Variants in TENT4A observed in about 807,000 individuals in gnomAD.
TENT4A encodes DNA polymerase kappa.
Under a neutral mutation model 72.8 loss-of-function variants are expected in TENT4A, and 7 were observed. The ratio of observed to expected loss-of-function variants is 0.10; its 90% CI spans 0.05 to 0.18. The LOEUF is 0.18. Ranked by LOEUF, TENT4A falls within the 10% of genes least tolerant of loss-of-function variation. TENT4A has a pLI of 1.00. For synonymous variants in TENT4A, 456 were observed against 434.3 expected, an observed-to-expected ratio of 1.05 and a Z score of -0.62; for missense variants, 831 against 1,017.7, an observed-to-expected ratio of 0.82 and a Z score of 2.50.
intron 7 of TENT4A, among the ~76,000 whole-genome samples, chr5:6,747,247 G>A (rs750112479): frequency 1.3e-4 from 20 of 152,196 alleles, no homozygotes; most frequent in African/African-American, 3.4e-4. Flanking sequence ...CTCCAGGCGC[G>A]TGTCCCTGGG....
At chr5:6,728,191 A>G (rs1375748534) in intron 1 of TENT4A, among the ~76,000 whole-genome samples, 2 of 152,152 alleles carry the variant, frequency 1.3e-5, no homozygotes, top group East Asian at 3.9e-4. Flanking sequence ...TGTCTGTAGA[A>G]TGGGGTGACG....
intron 1 of TENT4A, among the ~76,000 whole-genome samples, chr5:6,726,431 G>A (rs35140683): frequency 0.26 from 39,729 of 151,952 alleles, 5,864 homozygotes; most frequent in East Asian, 0.39. Flanking sequence ...TCTTTGAGGC[G>A]ACGCCCCCTG....
chr5:6,719,253 G>C (rs562969063), intron 1 of TENT4A, among the ~76,000 whole-genome samples: 1 of 152,118 alleles, frequency 6.6e-6, no homozygotes, highest in Non-Finnish European at 1.5e-5. Flanking sequence ...TCATGTAAGC[G>C]TCCTGTGGAA....
At chr5:6,741,062 A>G (rs1053165637) in intron 4 of TENT4A, among the ~76,000 whole-genome samples, 2 of 152,220 alleles carry the variant, frequency 1.3e-5, no homozygotes, top group African/African-American at 4.8e-5. Context: ...CCAGGCGACC[A>G]CCTTTGGAGT....
rs902140105 is a variant in TENT4A at position 6,748,363 on chromosome 5, G to A, written c.1460-101G>A. The A allele has an allele frequency of 2.0e-6, 3 of 1,482,446 alleles. No individual in the cohort carries two copies. The African/African-American group carries it at 4.1e-5, about 20-fold the overall frequency. 91.8% of individuals were successfully genotyped at this position (1,482,446 alleles called of 1,614,324 possible). On this transcript the variant is annotated intron_variant, in intron 7 of 12. Transcript: ENST00000230859. ...GCTGGTAGGGTCTGGAAGAGTTTCA[G>A]TGGTGAGGGCCTGCTTCAGAGTCAC...
chr5:6,726,927 A>G (rs1740957231), intron 1 of TENT4A, among the ~76,000 whole-genome samples: 1 of 152,150 alleles, frequency 6.6e-6, no homozygotes, highest in African/African-American at 2.4e-5. Flanking sequence ...TACCGGTCCC[A>G]TCTTCCTGTG....
intron 1 of TENT4A, among the ~76,000 whole-genome samples, chr5:6,721,884 G>A (rs1247582325): frequency 6.6e-6 from 1 of 152,188 alleles, no homozygotes; most frequent in Non-Finnish European, 1.5e-5. Flanking sequence ...CCAAGTGCTA[G>A]GATGTGGGTG....
rs1294889655 is a variant in TENT4A, at chr5:6,746,420, G to A, written c.1452G>A (p.Leu484=). ...RPSMLCIEDP[L]LPGNDVGRSS... is the part of the protein sequence containing the mutation. ...CGATGCTGTGCATTGAGGACCCCCT[G>A]CTGCCAGGTAAGGGCGCCCTGATCT... is the stretch of plus-strand genomic sequence containing the variant. Residue 484 remains leucine (L), a synonymous_variant, in exon 7 of 13, where the codon CTG becomes CTA. Transcript: ENST00000230859. 1 of 1,613,934 alleles carries A rather than the reference G, an allele frequency of 6.2e-7. No individual in the cohort carries two copies. Among genetic ancestry groups the A allele is most frequent in the Non-Finnish European group, 8.5e-7 (1 of 1,179,998 alleles).
chr5:6,741,172 A>G (rs1371772289), intron 4 of TENT4A, among the ~76,000 whole-genome samples: 1 of 152,190 alleles, frequency 6.6e-6, no homozygotes, highest in East Asian at 1.9e-4. Flanking sequence ...CATATTGGCT[A>G]CTAAGTATCT....
intron 12 of TENT4A, among the ~76,000 whole-genome samples, chr5:6,753,849 A>T (rs188404824): frequency 1.3e-5 from 2 of 152,342 alleles, no homozygotes; most frequent in East Asian, 3.9e-4. Flanking sequence ...GGATTTATCC[A>T]TCCCCGATAG....
At chr5:6,724,288 G>A (rs1229994202) in intron 1 of TENT4A, among the ~76,000 whole-genome samples, 8 of 152,182 alleles carry the variant, frequency 5.3e-5, no homozygotes, top group Non-Finnish European at 1.2e-4. Flanking sequence ...ATGGGCCAGT[G>A]ACGCAACACA....
At chr5:6,726,589 G>A (rs79189357) in intron 1 of TENT4A, among the ~76,000 whole-genome samples, 2,856 of 152,208 alleles carry the variant, frequency 0.019, 35 homozygotes, top group South Asian at 0.048. Context: ...CCTTTTTGTC[G>A]TGTGTGTTGA....
At chr5:6,719,284 T>C (rs1038407592) in intron 1 of TENT4A, among the ~76,000 whole-genome samples, 5 of 152,230 alleles carry the variant, frequency 3.3e-5, no homozygotes, top group African/African-American at 1.2e-4. Context: ...TAGTTATCCT[T>C]GGAAAATAAG....
intron 1 of TENT4A, among the ~76,000 whole-genome samples, chr5:6,732,225 G>A (rs1003400577): frequency 2.0e-5 from 3 of 152,198 alleles, no homozygotes; most frequent in Admixed American, 6.5e-5. Context: ...TCACCTCTTT[G>A]GCCCCAGCTT....
At position 6,738,638 on chromosome 5, in the gene TENT4A, C is replaced by A. The variant is rs372737926; in HGVS notation, c.841-45C>A. 2.2e-4 allele frequency: 317 copies of A among 1,433,500 alleles called. No individual in the cohort carries two copies. In the Admixed American group the frequency reaches 2.4e-3, roughly 11 times the overall value. The allele number at this position is 1,433,500 out of a possible 1,614,324, so 88.8% of individuals were successfully genotyped here. Reference sequence around the variant, plus strand: ...GTAAGAAATAATGGTAGTGTGACTGCTTGGTTTGTGGTATACATTTTAAGG... The same window carrying A: ...GTAAGAAATAATGGTAGTGTGACTGATTGGTTTGTGGTATACATTTTAAGG... On this transcript the variant is annotated intron_variant, in intron 2 of 12. Coordinates refer to ENST00000230859, the MANE Select transcript of TENT4A (RefSeq NM_006999.6).
Position 6,739,732 on chromosome 5 carries a change from C to T in TENT4A, c.888C>T (p.Ser296=), listed in dbSNP as rs570299283. 2.9e-5 allele frequency: 47 copies of T among 1,613,830 alleles called. No individual in the cohort carries two copies. The highest frequency in any genetic ancestry group is 2.4e-4 in the South Asian group (22 of 91,076). Residue 296 remains serine, a splice_region_variant and synonymous_variant, in exon 4 of 13, where the codon AGC becomes AGT. Coordinates refer to ENST00000230859, the MANE Select transcript of TENT4A (RefSeq NM_006999.6). ...SFSTGLYLPT[S]DIDLVVFGKW... is the part of the protein sequence containing the mutation. ...GCTGACGTGCGTTTTCTTCTGTCAG[C>T]GACATAGACCTGGTGGTCTTCGGGA...
At chr5:6,741,726 G>A (rs1022120215) in intron 4 of TENT4A, among the ~76,000 whole-genome samples, 2 of 152,204 alleles carry the variant, frequency 1.3e-5, no homozygotes, top group Non-Finnish European at 2.9e-5. Flanking sequence ...CAGAATAGGT[G>A]TGTACTGAAT....
chr5:6,740,126 C>T (rs1384101965), intron 4 of TENT4A, among the ~76,000 whole-genome samples: 35 of 152,152 alleles, frequency 2.3e-4, no homozygotes, highest in Admixed American at 2.3e-3. Flanking sequence ...ATTGTGTCTA[C>T]TTGTGTTAGG....
At chr5:6,719,704 C>T (rs1264833054) in intron 1 of TENT4A, among the ~76,000 whole-genome samples, 3 of 152,216 alleles carry the variant, frequency 2.0e-5, no homozygotes, top group African/African-American at 7.2e-5. Context: ...GGAACATGTG[C>T]CTGAGTGAGG....
Sources: allele counts gnomAD v4.1 joint callset (sites outside exome capture counted in the v4.1 genomes callset), GRCh38; gene constraint gnomAD v4.1.1; transcripts MANE v1.5; gene names NCBI Gene and HGNC (gene_info 2026-07-23, HGNC 2026-07-21).